Variants in AFAP1 observed in about 807,000 individuals in gnomAD.
AFAP1 encodes actin filament associated protein 1.
AFAP1 carries 75 observed loss-of-function variants against 93.9 expected under a neutral mutation model. The observed-to-expected ratio is 0.80, with a 90% CI of 0.66 to 0.97. The LOEUF (loss-of-function observed/expected upper bound fraction) is 0.97, where lower values mean the gene tolerates loss of function less well. Among genes scored for constraint, AFAP1 ranks in the 50% least tolerant of loss-of-function variants. The pLI, the probability that AFAP1 is intolerant of heterozygous loss-of-function variation, is 0.00. For missense variants in AFAP1, 1,201 were observed against 1,050.8 expected (o/e 1.14, Z -1.98); for synonymous variants, 517 against 430.7 (o/e 1.20, Z -2.48).
chr4:7,885,880 C>T (rs1046462618), intron 1 of AFAP1, among the ~76,000 whole-genome samples: 3 of 152,222 alleles, frequency 2.0e-5, no homozygotes, highest in African/African-American at 7.2e-5. Context: ...TGTGAGAATA[C>T]TCGGTGTTCC....
At chr4:7,867,255 G>C (rs914086040) in intron 3 of AFAP1, among the ~76,000 whole-genome samples, 1 of 152,130 alleles carries the variant, frequency 6.6e-6, no homozygotes, top group Non-Finnish European at 1.5e-5. Context: ...TTTGAGAAGC[G>C]CTGCTCTGAG....
At chr4:7,826,407 G>A (rs1721425522) in intron 6 of AFAP1, among the ~76,000 whole-genome samples, 1 of 152,180 alleles carries the variant, frequency 6.6e-6, no homozygotes, top group Non-Finnish European at 1.5e-5. Context: ...CCTCCCAGGA[G>A]GCCCAGGCTT....
intron 7 of AFAP1, among the ~76,000 whole-genome samples, chr4:7,817,610 CA>C: frequency 7.0e-6 from 1 of 143,446 alleles, no homozygotes; most frequent in East Asian, 1.9e-4. Context: ...AACAAAAAGA[CA>C]AAACAAAAGG....
In AFAP1 at chr4:7,778,750, T is replaced by A. The variant is rs764964281; in HGVS notation, c.1897+12A>T. The A allele has an allele frequency of 2.5e-6, 4 of 1,610,940 alleles. No homozygotes were observed. The highest frequency in any genetic ancestry group is 1.7e-5 in the Admixed American group (1 of 60,022). On this transcript the variant is annotated intron_variant, in intron 14 of 17. Transcript: ENST00000420658. ...TGAAGCCGGAATGCAAGACATCCGA[T>A]GGTATACTTACTCGAACCCGTCCTT...
chr4:7,897,157 G>C (rs536753326), intron 1 of AFAP1, among the ~76,000 whole-genome samples: 1 of 152,230 alleles, frequency 6.6e-6, no homozygotes, highest in East Asian at 1.9e-4. Context: ...TCTTTGGGTA[G>C]GCTGAGCTCA....
At chr4:7,766,533 A>G (rs1393267550) in intron 17 of AFAP1, among the ~76,000 whole-genome samples, 5 of 119,908 alleles carry the variant, frequency 4.2e-5, no homozygotes, top group African/African-American at 1.6e-4. Flanking sequence ...GCAGGGCAGG[A>G]AACAGAATCT....
chr4:7,899,017 A>ATT (rs1553853390), intron 1 of AFAP1, among the ~76,000 whole-genome samples: 1 of 129,422 alleles, frequency 7.7e-6, no homozygotes, highest in Non-Finnish European at 1.8e-5. Context: ...ATATAAATAT[A>ATT]TGTGTGTGTA....
At chr4:7,794,775 C>T (rs1718227876) in intron 10 of AFAP1, among the ~76,000 whole-genome samples, 1 of 152,138 alleles carries the variant, frequency 6.6e-6, no homozygotes. Context: ...ATTCTCCTAC[C>T]TCACCCTCCC....
intron 6 of AFAP1, among the ~76,000 whole-genome samples, chr4:7,822,912 C>T (rs1275880839): frequency 2.1e-5 from 3 of 141,908 alleles, no homozygotes; most frequent in South Asian, 4.4e-4. Flanking sequence ...TTTTTTTTTT[C>T]AACAGGGGAA....
chr4:7,837,193 A>G (rs1294438724), intron 6 of AFAP1, among the ~76,000 whole-genome samples: 2 of 152,240 alleles, frequency 1.3e-5, no homozygotes, highest in East Asian at 3.8e-4. Context: ...TGAACTCTAA[A>G]ACAAAAACAA....
intron 10 of AFAP1, among the ~76,000 whole-genome samples, chr4:7,798,524 T>C (rs535831707): frequency 3.1e-4 from 47 of 152,346 alleles, no homozygotes; most frequent in African/African-American, 1.1e-3. Context: ...GCTTCTTGCT[T>C]ACATTGGAAG....
intron 3 of AFAP1, among the ~76,000 whole-genome samples, chr4:7,866,635 A>C (rs112466453): frequency 0.012 from 1,875 of 152,364 alleles, 36 homozygotes; most frequent in African/African-American, 0.043. Context: ...AAAATAAGCC[A>C]GAAGAGGAAG....
chr4:7,911,781 C>T (rs961219322), intron 1 of AFAP1, among the ~76,000 whole-genome samples: 1 of 152,190 alleles, frequency 6.6e-6, no homozygotes, highest in African/African-American at 2.4e-5. Flanking sequence ...ACAGCAAATC[C>T]ATCTCTCTAG....
chr4:7,763,498 G>A lies in AFAP1; in HGVS notation c.*267C>T. On this transcript the variant is annotated 3_prime_UTR_variant, in exon 18 of 18. Coordinates refer to ENST00000420658, the MANE Select transcript of AFAP1 (RefSeq NM_001134647.2). ...TAGAAAGATGTCACTTCGCCTGATA[G>A]CATCCTTTCAAACACCTTTCCATCA... The A allele has an allele frequency of 2.0e-6, 1 of 509,166 alleles. No individual in the cohort carries two copies. Among genetic ancestry groups the A allele is most frequent in the Non-Finnish European group, 3.5e-6 (1 of 287,974 alleles). 31.5% of individuals were successfully genotyped at this position (509,166 alleles called of 1,614,324 possible).
intron 1 of AFAP1, among the ~76,000 whole-genome samples, chr4:7,932,009 C>T (rs763651670): frequency 6.6e-5 from 10 of 151,996 alleles, no homozygotes; most frequent in African/African-American, 1.4e-4. Context: ...TACAGGCACC[C>T]GCCACCATGC....
chr4:7,921,907 G>A (rs1309728011), intron 1 of AFAP1, among the ~76,000 whole-genome samples: 2 of 152,124 alleles, frequency 1.3e-5, no homozygotes, highest in East Asian at 1.9e-4. Context: ...AGGCGATCAC[G>A]AGGCCAACAG....
At chr4:7,885,338 C>T (rs765209803) in intron 1 of AFAP1, among the ~76,000 whole-genome samples, 4 of 152,182 alleles carry the variant, frequency 2.6e-5, no homozygotes, top group Non-Finnish European at 4.4e-5. Context: ...GCTCTCTGCC[C>T]GGTATGCTTA....
intron 1 of AFAP1, among the ~76,000 whole-genome samples, chr4:7,922,689 T>C (rs927661871): frequency 1.2e-4 from 19 of 152,102 alleles, no homozygotes; most frequent in African/African-American, 4.1e-4. Context: ...ATCTTAACAA[T>C]GAAAAATCAC....
chr4:7,853,635 A>C (rs940319062), intron 4 of AFAP1, among the ~76,000 whole-genome samples: 2 of 151,646 alleles, frequency 1.3e-5, no homozygotes, highest in Non-Finnish European at 2.9e-5. Context: ...CCTTCAATAA[A>C]CTCTTCCCTC....
Sources: allele counts gnomAD v4.1 joint callset (sites outside exome capture counted in the v4.1 genomes callset), GRCh38; gene constraint gnomAD v4.1.1; transcripts MANE v1.5; gene names NCBI Gene and HGNC (gene_info 2026-07-23, HGNC 2026-07-21).